The following COPG2 variants were observed in gnomAD, a reference collection of about 807,000 sequenced individuals.
COPG2 encodes the protein coat protein complex I subunit gamma 2.
A neutral mutation model predicts 46.3 loss-of-function variants in COPG2; 37 were observed. That is an observed-to-expected ratio of 0.80 (90% CI 0.61 to 1.05). The LOEUF is 1.05. COPG2 is among the 50% of genes least tolerant of loss of function. The pLI is 0.00. For synonymous variants in COPG2, 159 were observed against 129.7 expected (o/e 1.23, Z -1.53); for missense variants, 427 against 387.8 (o/e 1.10, Z -0.85).
intron 6 of COPG2, among the ~76,000 whole-genome samples, chr7:130,614,340 C>A (rs545375810): frequency 1.3e-5 from 2 of 152,292 alleles, no homozygotes; most frequent in South Asian, 4.1e-4. Context: ...AACAACAGTG[C>A]ACCAAAAAAT....
chr7:130,549,682 A>G (rs1793505163), intron 17 of COPG2, among the ~76,000 whole-genome samples: 1 of 152,362 alleles, frequency 6.6e-6, no homozygotes, highest in Non-Finnish European at 1.5e-5. Flanking sequence ...TCTCATGATC[A>G]AAATAGGAAA....
At chr7:130,662,923 T>C in intron 4 of COPG2, 44 bp downstream of exon 4, 1 of 1,170,454 alleles carries the variant, frequency 8.5e-7, no homozygotes, top group Non-Finnish European at 1.2e-6. Context: ...GGAAAATAAA[T>C]AAAAGGAGGT....
At chr7:130,553,441 A>C (rs1324595340) in intron 14 of COPG2, among the ~76,000 whole-genome samples, 1 of 152,162 alleles carries the variant, frequency 6.6e-6, no homozygotes, top group Non-Finnish European at 1.5e-5. Context: ...CTCAATCAGC[A>C]CCAAGAAAAT....
chr7:130,541,561 C>G (rs1799937930), intron 20 of COPG2, among the ~76,000 whole-genome samples: 1 of 151,852 alleles, frequency 6.6e-6, no homozygotes, highest in Non-Finnish European at 1.5e-5. Context: ...GAGTGAGTGA[C>G]AAAGACAAAA....
chr7:130,553,155 G>C (rs2116389924), intron 14 of COPG2, among the ~76,000 whole-genome samples: 1 of 152,312 alleles, frequency 6.6e-6, no homozygotes, highest in African/African-American at 2.4e-5. Flanking sequence ...GCCCAGAGAA[G>C]AAAGTGTGGT....
intron 5 of COPG2, among the ~76,000 whole-genome samples, chr7:130,652,123 C>G (rs559468802): frequency 6.6e-6 from 1 of 152,104 alleles, no homozygotes; most frequent in African/African-American, 2.4e-5. Context: ...ATGGTAGACA[C>G]GTAAGTTGTT....
chr7:130,593,986 G>A (rs544119443), intron 9 of COPG2, among the ~76,000 whole-genome samples: 148 of 151,888 alleles, frequency 9.7e-4, no homozygotes, highest in African/African-American at 3.2e-3. Flanking sequence ...ACCAAGAAAG[G>A]GAAGAGACAA....
chr7:130,534,903 TAG>T (rs1799863601), intron 20 of COPG2, among the ~76,000 whole-genome samples: 1 of 151,946 alleles, frequency 6.6e-6, no homozygotes, highest in Admixed American at 6.5e-5. Flanking sequence ...GGACTGGCTA[TAG>T]AGTTTTGTAG....
At chr7:130,530,778 G>A (rs1249501417) in intron 20 of COPG2, among the ~76,000 whole-genome samples, 1 of 151,920 alleles carries the variant, frequency 6.6e-6, no homozygotes, top group Non-Finnish European at 1.5e-5. Flanking sequence ...ACAGGGTGGA[G>A]GGGCCCCCAG....
At chr7:130,646,882 C>T (rs1317327604) in intron 5 of COPG2, among the ~76,000 whole-genome samples, 4 of 150,574 alleles carry the variant, frequency 2.7e-5, no homozygotes, top group African/African-American at 7.3e-5. Context: ...AATTACACCC[C>T]TTTCCTTTAT....
chr7:130,607,639 T>C lies in COPG2; in HGVS notation c.737+3314A>G, dbSNP rs186252148. 77 of 512,056 alleles carry C rather than the reference T, an allele frequency of 1.5e-4. 1 individual carries two copies. Among genetic ancestry groups the C allele is most frequent in the African/African-American group, 1.3e-3 (68 of 51,742 alleles). 31.7% of individuals were successfully genotyped at this position (512,056 alleles called of 1,614,324 possible). A position where few individuals can be genotyped will look rare whatever the true frequency, so the allele number is the denominator to read the frequency against. On this transcript the variant is annotated intron_variant, in intron 9 of 23. Coordinates refer to ENST00000425248, the MANE Select transcript of COPG2 (RefSeq NM_012133.6). ...ATTCTCCTGTATATATGTAGTTCAG[T>C]TGGTCAGCCAGTGATTTTTGTAGAG...
intron 5 of COPG2, among the ~76,000 whole-genome samples, chr7:130,625,837 T>C (rs1554454224): frequency 1.3e-5 from 2 of 152,182 alleles, no homozygotes; most frequent in Non-Finnish European, 2.9e-5. Flanking sequence ...AATTACTTTG[T>C]TGTTCTTTAC....
At chr7:130,590,489 C>T (rs1186248417) in intron 9 of COPG2, among the ~76,000 whole-genome samples, 1 of 152,162 alleles carries the variant, frequency 6.6e-6, no homozygotes, top group African/African-American at 2.4e-5. Context: ...AGCTCCTAAC[C>T]GCGAGTGATC....
At chr7:130,563,960 T>C (rs1793761363) in intron 10 of COPG2, among the ~76,000 whole-genome samples, 1 of 151,678 alleles carries the variant, frequency 6.6e-6, no homozygotes, top group African/African-American at 2.4e-5. Flanking sequence ...TTTTCAAAAG[T>C]TTCATACGAG....
chr7:130,627,044 C>G (rs1392178467), intron 5 of COPG2, among the ~76,000 whole-genome samples: 2 of 152,158 alleles, frequency 1.3e-5, no homozygotes, highest in Admixed American at 1.3e-4. Flanking sequence ...CCACCATGCC[C>G]ACGTAATTTA....
intron 5 of COPG2, among the ~76,000 whole-genome samples, chr7:130,621,943 CAAAAAAAAA>C (rs562107230): frequency 3.8e-4 from 26 of 67,540 alleles, no homozygotes; most frequent in Admixed American, 2.4e-3. Flanking sequence ...GACTCCATCT[CAAAAAAAAA>C]AAAAAAAAAA....
chr7:130,602,048 T>G (rs928179869), intron 9 of COPG2, among the ~76,000 whole-genome samples: 1 of 152,200 alleles, frequency 6.6e-6, no homozygotes, highest in Non-Finnish European at 1.5e-5. Flanking sequence ...GACTTGATTA[T>G]AAACTCATAC....
chr7:130,567,865 G>GA (rs1584975858), intron 9 of COPG2, among the ~76,000 whole-genome samples: 2 of 151,674 alleles, frequency 1.3e-5, no homozygotes, highest in African/African-American at 4.8e-5. Flanking sequence ...CCTCCTTAAA[G>GA]AAAAAAATCT....
chr7:130,506,590 A>AGTC lies in COPG2; in HGVS notation c.*83_*85dup, dbSNP rs1428823337. 5.5e-6 allele frequency: 3 copies of AGTC among 545,080 alleles called. No individual in the cohort carries two copies. Among genetic ancestry groups the AGTC allele is most frequent in the Non-Finnish European group, 1.0e-5 (3 of 300,484 alleles). The allele number at this position is 545,080 out of a possible 1,614,324, so 33.8% of individuals were successfully genotyped here. A position where few individuals can be genotyped will look rare whatever the true frequency, so the allele number is the denominator to read the frequency against. On this transcript the variant is annotated 3_prime_UTR_variant, in exon 24 of 24. Transcript: ENST00000425248. ...TTCTCCAAAGTCATTCATCTTCAAA[A>AGTC]GTCTGATTCTGGGAAACTGATGCCA...
Sources: allele counts gnomAD v4.1 joint callset (sites outside exome capture counted in the v4.1 genomes callset), GRCh38; gene constraint gnomAD v4.1.1; transcripts MANE v1.5; gene names NCBI Gene and HGNC (gene_info 2026-07-23, HGNC 2026-07-21).